The following SLC12A7 variants were observed in gnomAD, a reference collection of about 807,000 sequenced individuals.
SLC12A7 encodes K-Cl cotransporter 4.
Under a neutral mutation model 120.6 loss-of-function variants are expected in SLC12A7, and 100 were observed. The observed-to-expected ratio is 0.83, with a 90% CI of 0.71 to 0.98. The LOEUF (loss-of-function observed/expected upper bound fraction) is 0.98, where lower values mean the gene tolerates loss of function less well. Among genes scored for constraint, SLC12A7 ranks in the 50% least tolerant of loss-of-function variants. The pLI is 0.00. For synonymous variants in SLC12A7, 760 were observed against 678.0 expected (o/e 1.12, Z -1.88); for missense variants, 1,373 against 1,548.1 (o/e 0.89, Z 1.90).
chr5:1,063,478 CGT>C (rs980490346), intron 20 of SLC12A7, among the ~76,000 whole-genome samples: 7 of 152,140 alleles, frequency 4.6e-5, no homozygotes, highest in African/African-American at 1.7e-4. Flanking sequence ...CACCCACACC[CGT>C]GTTACACGAG....
intron 1 of SLC12A7, among the ~76,000 whole-genome samples, chr5:1,103,369 C>G (rs573820646): frequency 7.7e-4 from 118 of 152,324 alleles, no homozygotes; most frequent in Admixed American, 1.5e-3. Context: ...GGAAGCCTGG[C>G]TGGAAGGTCC....
At chr5:1,084,331 G>A (rs1349647278) in intron 7 of SLC12A7, among the ~76,000 whole-genome samples, 6 of 152,290 alleles carry the variant, frequency 3.9e-5, no homozygotes, top group East Asian at 3.9e-4. Flanking sequence ...GCGCGGTGCC[G>A]AGTAGTGAGG....
chr5:1,079,053 G>T (rs1342685872), intron 10 of SLC12A7, among the ~76,000 whole-genome samples: 1 of 152,172 alleles, frequency 6.6e-6, no homozygotes, highest in African/African-American at 2.4e-5. Context: ...ATGCTGAGGG[G>T]ACAATGCTCG....
chr5:1,103,851 G>A (rs924253657), intron 1 of SLC12A7, among the ~76,000 whole-genome samples: 6 of 152,338 alleles, frequency 3.9e-5, no homozygotes, highest in East Asian at 1.9e-4. Context: ...CCTCTGTCAC[G>A]TGGCTGTTTG....
Position 1,075,325 on chromosome 5 carries a change from C to T in SLC12A7, c.1967+46G>A, listed in dbSNP as rs182973258. 1,328 of 1,586,524 alleles carry T rather than the reference C, an allele frequency of 8.4e-4. 1 individual carries two copies. The highest frequency in any genetic ancestry group is 1.3e-3 in the Admixed American group (78 of 59,128). ...CCCCAGGCATAGCATGAGAGGGGCC[C>T]GCCCTCCCGTGCGCCGGGTCTGTAA... On this transcript the variant is annotated intron_variant, in intron 15 of 23. Transcript: ENST00000264930.
the SLC12A7 span, among the ~76,000 whole-genome samples, chr5:1,123,465 G>T: frequency 6.6e-6 from 1 of 152,200 alleles, no homozygotes; most frequent in African/African-American, 2.4e-5. Flanking sequence ...CCTGGCAAAA[G>T]AACCCCCAGA....
intron 3 of SLC12A7, among the ~76,000 whole-genome samples, chr5:1,091,292 C>T (rs1561088608): frequency 6.6e-6 from 1 of 152,194 alleles, no homozygotes; most frequent in Non-Finnish European, 1.5e-5. Context: ...TGTCTCAGTA[C>T]CAAGTAGGGT....
chr5:1,076,065 G>C, intron 14 of SLC12A7, 73 bp downstream of exon 14: 1 of 1,268,560 alleles, frequency 7.9e-7, no homozygotes, highest in Non-Finnish European at 1.1e-6. Flanking sequence ...TGTGCTGAGC[G>C]GCCTCACCAG....
intron 12 of SLC12A7, among the ~76,000 whole-genome samples, chr5:1,077,058 G>GC (rs58129045): frequency 0.094 from 13,778 of 147,136 alleles, 1,737 homozygotes; most frequent in African/African-American, 0.29. Flanking sequence ...GCCCCAGCCT[G>GC]CCCCCCCGCC....
chr5:1,107,349 G>A (rs1313761833), intron 1 of SLC12A7, among the ~76,000 whole-genome samples: 8 of 152,240 alleles, frequency 5.3e-5, no homozygotes, highest in African/African-American at 1.7e-4. Flanking sequence ...GCAGGAGCCT[G>A]GGCCATCTGG....
In SLC12A7 at chr5:1,111,992, G is replaced by A; in HGVS notation, c.-1C>T. On this transcript the variant is annotated 5_prime_UTR_variant, in exon 1 of 24. Coordinates refer to ENST00000264930, the MANE Select transcript of SLC12A7 (RefSeq NM_006598.3). ...GCACCACGGTGAAGTTGGTGGGCAT[G>A]GCCGCCTGCAGCCGACAGTCCCCGT... 7.9e-7 allele frequency: 1 copy of A among 1,273,700 alleles called. No homozygotes were observed. Among genetic ancestry groups the A allele is most frequent in the Non-Finnish European group, 9.9e-7 (1 of 1,010,770 alleles). 78.9% of individuals were successfully genotyped at this position (1,273,700 alleles called of 1,614,324 possible). A position where few individuals can be genotyped will look rare whatever the true frequency, so the allele number is the denominator to read the frequency against.
chr5:1,122,271 G>A, the SLC12A7 span, among the ~76,000 whole-genome samples: 1 of 152,124 alleles, frequency 6.6e-6, no homozygotes, highest in Non-Finnish European at 1.5e-5. Flanking sequence ...GCAGGGCTGT[G>A]CGAGGCGGGG....
chr5:1,121,300 C>T, the SLC12A7 span, among the ~76,000 whole-genome samples: 7 of 152,246 alleles, frequency 4.6e-5, no homozygotes, highest in Non-Finnish European at 8.8e-5. Flanking sequence ...TTCCCTGTGT[C>T]GGTCCCCAGA....
At chr5:1,118,324 T>C in the SLC12A7 span, among the ~76,000 whole-genome samples, 2 of 152,180 alleles carry the variant, frequency 1.3e-5, no homozygotes, top group Admixed American at 1.3e-4. Flanking sequence ...GTGAACCCAT[T>C]GGGCGGTTAC....
chr5:1,055,005 C>T (rs372445519), intron 22 of SLC12A7, among the ~76,000 whole-genome samples: 2 of 152,154 alleles, frequency 1.3e-5, no homozygotes, highest in African/African-American at 2.4e-5. Context: ...GAGTGGGCAG[C>T]GTGTCCACAG....
chr5:1,142,062 C>T, the SLC12A7 span, among the ~76,000 whole-genome samples: 15 of 151,950 alleles, frequency 9.9e-5, no homozygotes, highest in Admixed American at 6.6e-5. Flanking sequence ...GTGCTAGAGG[C>T]GGGGCAGGTG....
intron 1 of SLC12A7, among the ~76,000 whole-genome samples, chr5:1,097,372 G>A (rs998279145): frequency 1.3e-5 from 2 of 152,072 alleles, no homozygotes; most frequent in Non-Finnish European, 2.9e-5. Flanking sequence ...AGATGGCAAC[G>A]CCTATCAGGC....
rs1739672257 is a variant in SLC12A7 at position 1,085,128 on chromosome 5, G to A, written c.917+104C>T. ...CACGGTCACACCCAGCCCACCCCTTGCGGGGAGCTCGGCGTCAAGGATGAT... is the reference window on the plus strand; with the variant it reads ...CACGGTCACACCCAGCCCACCCCTTACGGGGAGCTCGGCGTCAAGGATGAT... On this transcript the variant is annotated intron_variant, in intron 7 of 23. Transcript: ENST00000264930. The A allele has an allele frequency of 2.0e-6, 3 of 1,476,370 alleles. No individual in the cohort carries two copies. In the African/African-American group the frequency reaches 4.2e-5, roughly 21 times the overall value. 91.5% of individuals were successfully genotyped at this position (1,476,370 alleles called of 1,614,324 possible). A position where few individuals can be genotyped will look rare whatever the true frequency, so the allele number is the denominator to read the frequency against.
Position 1,088,840 on chromosome 5 carries a change from G to A in SLC12A7, c.489+142C>T, listed in dbSNP as rs74517438. 1,063 of 1,052,974 alleles carry A rather than the reference G, an allele frequency of 1.0e-3. 17 individuals carry two copies. The East Asian group carries it at 0.024, about 24-fold the overall frequency. The allele number at this position is 1,052,974 out of a possible 1,614,324, so 65.2% of individuals were successfully genotyped here. A position where few individuals can be genotyped will look rare whatever the true frequency, so the allele number is the denominator to read the frequency against. ...GGCGCTGAACGACGTCTACACGGGC[G>A]TCTGGGGAGGGCCCTACTGTCCGGC... On this transcript the variant is annotated intron_variant, in intron 4 of 23. Coordinates refer to ENST00000264930, the MANE Select transcript of SLC12A7 (RefSeq NM_006598.3).
Sources: allele counts gnomAD v4.1 joint callset (sites outside exome capture counted in the v4.1 genomes callset), GRCh38; gene constraint gnomAD v4.1.1; transcripts MANE v1.5; gene names NCBI Gene and HGNC (gene_info 2026-07-23, HGNC 2026-07-21).